NMBR: variants seen among roughly 807,000 people sequenced by gnomAD.
NMBR encodes the protein neuromedin-B receptor.
In NMBR, 16 loss-of-function variants were observed where a neutral mutation model predicts 20.5. The ratio of observed to expected loss-of-function variants is 0.78; its 90% confidence interval spans 0.53 to 1.19. NMBR has a LOEUF of 1.19. Ranked by LOEUF, NMBR falls within the 50% of genes most tolerant of loss-of-function variation. The pLI is 0.00. For synonymous variants in NMBR, 212 were observed against 196.6 expected, an observed-to-expected ratio of 1.08 and a Z score of -0.65; for missense variants, 582 against 499.1, an observed-to-expected ratio of 1.17 and a Z score of -1.58.
intron 2 of NMBR, among the ~76,000 whole-genome samples, 191 bp from the exon 3 acceptor site, chr6:142,079,094 AAGAGAGAGAG>A (rs1181099175): frequency 2.0e-5 from 1 of 48,934 alleles, no homozygotes; most frequent in African/African-American, 1.2e-4. Flanking sequence ...GAAAGAGAGA[AAGAGAGAGAG>A]AGAAAGAAAG....
chr6:142,120,262 T>C (rs750226882), intron 1 of NMBR, among the ~76,000 whole-genome samples: 8 of 151,994 alleles, frequency 5.3e-5, no homozygotes, highest in Non-Finnish European at 1.0e-4. Flanking sequence ...CATGGGACTG[T>C]AATCTCTGAG....
At chr6:142,122,569 T>C (rs1232889475) in intron 1 of NMBR, among the ~76,000 whole-genome samples, 11 of 151,956 alleles carry the variant, frequency 7.2e-5, no homozygotes, top group African/African-American at 2.7e-4. Flanking sequence ...TCTAAAACTT[T>C]CATAGCTAGA....
intron 1 of NMBR, among the ~76,000 whole-genome samples, chr6:142,125,288 A>G (rs1778010501): frequency 6.6e-6 from 1 of 151,888 alleles, no homozygotes; most frequent in African/African-American, 2.4e-5. Flanking sequence ...GGTAGAGAGG[A>G]AACATATATA....
intron 1 of NMBR, among the ~76,000 whole-genome samples, chr6:142,129,613 C>T (rs1778103327): frequency 6.6e-6 from 1 of 152,014 alleles, no homozygotes; most frequent in East Asian, 1.9e-4. Flanking sequence ...TGAAAACAGA[C>T]ATGGAATTTG....
intron 1 of NMBR, among the ~76,000 whole-genome samples, chr6:142,103,029 G>T (rs1777593939): frequency 6.6e-6 from 1 of 152,148 alleles, no homozygotes; most frequent in Admixed American, 6.5e-5. Flanking sequence ...TTACCTTAAG[G>T]TTGTAAATGG....
chr6:142,094,703 C>G (rs1777409181), intron 1 of NMBR, among the ~76,000 whole-genome samples: 1 of 152,140 alleles, frequency 6.6e-6, no homozygotes, highest in South Asian at 2.1e-4. Flanking sequence ...TCATTGGTAG[C>G]TTGATGGGGA....
intron 1 of NMBR, among the ~76,000 whole-genome samples, chr6:142,118,256 G>T (rs983530203): frequency 6.6e-6 from 1 of 151,938 alleles, no homozygotes; most frequent in Non-Finnish European, 1.5e-5. Context: ...TATGCTAACA[G>T]TCCAGTTCTA....
chr6:142,121,808 T>C (rs1777947451), intron 1 of NMBR, among the ~76,000 whole-genome samples: 1 of 151,884 alleles, frequency 6.6e-6, no homozygotes, highest in African/African-American at 2.4e-5. Context: ...TTGTATTTAA[T>C]TACGTGCTTA....
chr6:142,091,016 T>C (rs1024997324), intron 1 of NMBR, among the ~76,000 whole-genome samples: 6 of 152,182 alleles, frequency 3.9e-5, no homozygotes, highest in Non-Finnish European at 5.9e-5. Context: ...AGTAAATTTA[T>C]ATGTATTTAC....
intron 1 of NMBR, among the ~76,000 whole-genome samples, chr6:142,119,892 T>A (rs1253940357): frequency 2.0e-5 from 3 of 151,992 alleles, no homozygotes; most frequent in African/African-American, 7.2e-5. Context: ...TCATTTTAAG[T>A]ATAAATCATT....
chr6:142,139,673 TGTTTA>T (rs1233578758), intron 1 of NMBR, among the ~76,000 whole-genome samples: 1 of 152,216 alleles, frequency 6.6e-6, no homozygotes. Flanking sequence ...CATATTGTTA[TGTTTA>T]AAGATAGAGA....
At chr6:142,095,186 T>C (rs1404964792) in intron 1 of NMBR, among the ~76,000 whole-genome samples, 1 of 152,062 alleles carries the variant, frequency 6.6e-6, no homozygotes, top group East Asian at 1.9e-4. Context: ...CTTCCAACAC[T>C]ATGTTGAATA....
chr6:142,081,342 A>T (rs1015015289), intron 2 of NMBR, among the ~76,000 whole-genome samples: 1 of 152,198 alleles, frequency 6.6e-6, no homozygotes, highest in African/African-American at 2.4e-5. Context: ...GAGAAACTTT[A>T]AATAGAAATT....
At chr6:142,113,493 T>A (rs1238531936) in intron 1 of NMBR, among the ~76,000 whole-genome samples, 1 of 152,170 alleles carries the variant, frequency 6.6e-6, no homozygotes, top group Admixed American at 6.6e-5. Flanking sequence ...ATAAGAGATG[T>A]TCCTCTCACA....
Position 142,078,739 on chromosome 6 carries a change from G to A in NMBR, c.587C>T (p.Thr196Ile), listed in dbSNP as rs779548798. 6.2e-7 allele frequency: 1 copy of A among 1,614,028 alleles called. No homozygotes were observed. Among genetic ancestry groups the A allele is most frequent in the African/African-American group, 1.3e-5 (1 of 74,990 alleles). ...TGTTTGAGGGTATGGGATACATGCTGTGAAGCTGCTATTATCCAAGCTACT... is the reference window on the plus strand; with the variant it reads ...TGTTTGAGGGTATGGGATACATGCTATGAAGCTGCTATTATCCAAGCTACT... ...RISSLDNSSF[T>I]ACIPYPQTDE... is the part of the protein sequence containing the mutation. The change falls in exon 3 of 4, where the codon ACA becomes ATA. Residue 196 changes from threonine (T) to isoleucine (I), a missense_variant. Physicochemically the swap from Thr to Ile is moderately conservative, Grantham distance 89 (BLOSUM62 -1). Transcript: ENST00000258042.
intron 1 of NMBR, among the ~76,000 whole-genome samples, chr6:142,105,632 T>C (rs1052126439): frequency 1.3e-5 from 2 of 152,186 alleles, no homozygotes; most frequent in Admixed American, 6.5e-5. Context: ...TATTTTCTCA[T>C]TAAAAGCACA....
chr6:142,102,215 C>T (rs968883619), intron 1 of NMBR, among the ~76,000 whole-genome samples: 1 of 151,846 alleles, frequency 6.6e-6, no homozygotes, highest in African/African-American at 2.4e-5. Flanking sequence ...GGTGAATCCC[C>T]GTCTCTACTA....
intron 1 of NMBR, among the ~76,000 whole-genome samples, chr6:142,110,740 A>G (rs1273456598): frequency 6.6e-6 from 1 of 152,214 alleles, no homozygotes; most frequent in Non-Finnish European, 1.5e-5. Flanking sequence ...TTATATATCA[A>G]CAAAGGTGTT....
At chr6:142,106,334 T>C (rs1777661758) in intron 1 of NMBR, among the ~76,000 whole-genome samples, 1 of 152,168 alleles carries the variant, frequency 6.6e-6, no homozygotes, top group Non-Finnish European at 1.5e-5. Context: ...AGAACTTGTC[T>C]TGTCTCTAGA....
Sources: allele counts gnomAD v4.1 joint callset (sites outside exome capture counted in the v4.1 genomes callset), GRCh38; gene constraint gnomAD v4.1.1; transcripts MANE v1.5; gene names NCBI Gene and HGNC (gene_info 2026-07-23, HGNC 2026-07-21).